BMERB1: variants seen among roughly 807,000 people sequenced by gnomAD.
The protein encoded by BMERB1 is bMERB domain containing 1.
Under a neutral mutation model 23.6 loss-of-function variants are expected in BMERB1, and 12 were observed. That is an observed-to-expected ratio of 0.51 (90% confidence interval 0.33 to 0.82). The LOEUF (loss-of-function observed/expected upper bound fraction) is 0.82, where lower values mean the gene tolerates loss of function less well. Ranked by LOEUF, BMERB1 falls within the 40% of genes least tolerant of loss-of-function variation. BMERB1 has a pLI of 0.03. For synonymous variants in BMERB1, 122 were observed against 96.6 expected (o/e 1.26, Z -1.54); for missense variants, 247 against 255.4 (o/e 0.97, Z 0.22).
intron 1 of BMERB1, among the ~76,000 whole-genome samples, chr16:15,450,182 T>C (rs188340324): frequency 7.9e-5 from 12 of 152,318 alleles, no homozygotes; most frequent in African/African-American, 2.6e-4. Flanking sequence ...GACAGGCACC[T>C]AAGTGAATGG....
Position 15,587,101 on chromosome 16 carries a change from CTCCCTCAAAA to C in BMERB1, c.*273_*282del. On this transcript the variant is annotated 3_prime_UTR_variant, in exon 6 of 6. Transcript: ENST00000300006. Reference sequence around the variant, plus strand: ...GTTTATCCAAACACCAGGAAAGGTCCTCCCTCAAAAAAGCATATCTCCACTTCTCTCTAGC... The same window carrying C: ...GTTTATCCAAACACCAGGAAAGGTCCAAGCATATCTCCACTTCTCTCTAGC... The C allele has an allele frequency of 2.2e-6, 1 of 453,620 alleles. No individual in the cohort carries two copies. The highest frequency in any genetic ancestry group is 3.9e-6 in the Non-Finnish European group (1 of 255,136). The allele number at this position is 453,620 out of a possible 1,614,324, so 28.1% of individuals were successfully genotyped here.
chr16:15,528,911 C>G (rs901148483), intron 2 of BMERB1, among the ~76,000 whole-genome samples: 1 of 152,166 alleles, frequency 6.6e-6, no homozygotes, highest in Non-Finnish European at 1.5e-5. Context: ...TGTGTGAGGA[C>G]ACAGTGAGAA....
rs539781631 is a variant in BMERB1, at chr16:15,452,029, C to T, written c.106+17270C>T. Among the ~76,000 whole-genome samples the T allele has an allele frequency of 3.5e-4, 53 of 152,100 alleles. 1 individual carries two copies. Among genetic ancestry groups the T allele is most frequent in the Non-Finnish European group, 1.0e-4 (7 of 67,988 alleles). On this transcript the variant is annotated intron_variant, in intron 1 of 5. Transcript: ENST00000300006. ...GGCACAGTGGCTTACGCCTGAAATC[C>T]TAGCACTTTGGGAGGCTGAGGCGGG... is the stretch of plus-strand genomic sequence containing the variant.
intron 1 of BMERB1, among the ~76,000 whole-genome samples, chr16:15,488,902 CAAAAAAA>C (rs769821665): frequency 9.0e-4 from 52 of 57,762 alleles, no homozygotes; most frequent in Middle Eastern, 0.011. Context: ...ACTGCATATG[CAAAAAAA>C]AAAAAAAAAA....
intron 2 of BMERB1, among the ~76,000 whole-genome samples, chr16:15,543,031 C>T (rs2052100996): frequency 1.3e-5 from 2 of 152,116 alleles, no homozygotes. Context: ...GGGTTCTTGT[C>T]TGGTGTCCAG....
intron 2 of BMERB1, among the ~76,000 whole-genome samples, chr16:15,567,387 C>T (rs1011637328): frequency 3.9e-5 from 6 of 151,954 alleles, no homozygotes; most frequent in Non-Finnish European, 7.4e-5. Flanking sequence ...CCATATGAAC[C>T]CACTTATATA....
chr16:15,538,854 G>GC (rs2052052536), intron 2 of BMERB1, among the ~76,000 whole-genome samples: 2 of 152,110 alleles, frequency 1.3e-5, no homozygotes, highest in African/African-American at 4.8e-5. Context: ...TGGTGAAGGG[G>GC]CCCATGTTGT....
chr16:15,447,605 T>C (rs945819639), intron 1 of BMERB1, among the ~76,000 whole-genome samples: 2 of 152,094 alleles, frequency 1.3e-5, no homozygotes, highest in Non-Finnish European at 2.9e-5. Context: ...GTGGCGATCA[T>C]GTTAATAGAA....
chr16:15,483,552 G>A (rs927330183), intron 1 of BMERB1, among the ~76,000 whole-genome samples: 13 of 152,116 alleles, frequency 8.5e-5, no homozygotes, highest in African/African-American at 2.7e-4. Context: ...GCCAATTTTT[G>A]TAGTTTTATT....
chr16:15,558,022 C>T (rs186013861), intron 2 of BMERB1, among the ~76,000 whole-genome samples: 1 of 151,832 alleles, frequency 6.6e-6, no homozygotes, highest in African/African-American at 2.4e-5. Context: ...CCAGCCTGGG[C>T]AACAGAGCTA....
At chr16:15,495,532 A>AT (rs1352918653) in intron 1 of BMERB1, among the ~76,000 whole-genome samples, 1 of 151,996 alleles carries the variant, frequency 6.6e-6, no homozygotes, top group East Asian at 1.9e-4. Flanking sequence ...CGCCTGGCTA[A>AT]TTTTTTGTAT....
At chr16:15,458,182 C>A (rs749838634) in intron 1 of BMERB1, among the ~76,000 whole-genome samples, 4 of 152,186 alleles carry the variant, frequency 2.6e-5, no homozygotes, top group Non-Finnish European at 5.9e-5. Context: ...ACTGATGCCT[C>A]TTCTCTTGGC....
At chr16:15,473,650 C>T (rs926981876) in intron 1 of BMERB1, among the ~76,000 whole-genome samples, 4 of 152,068 alleles carry the variant, frequency 2.6e-5, no homozygotes, top group South Asian at 4.1e-4. Flanking sequence ...AGTGTTTTCT[C>T]GCCTGAGAAT....
At chr16:15,556,470 G>A (rs2030261849) in intron 2 of BMERB1, among the ~76,000 whole-genome samples, 1 of 152,192 alleles carries the variant, frequency 6.6e-6, no homozygotes, top group Non-Finnish European at 1.5e-5. Flanking sequence ...AGTCAATGGG[G>A]GTACTGAGAT....
At chr16:15,496,785 G>A (rs999080004) in intron 1 of BMERB1, among the ~76,000 whole-genome samples, 23 of 152,166 alleles carry the variant, frequency 1.5e-4, no homozygotes, top group Non-Finnish European at 2.5e-4. Flanking sequence ...TGATCTGCCC[G>A]CCTCGGCCTC....
At position 15,575,003 on chromosome 16, in the gene BMERB1, C is replaced by T. The variant is rs143028348; in HGVS notation, c.305-6214C>T. 5.4e-3 allele frequency among the ~76,000 whole-genome samples: 827 copies of T among 152,202 alleles called. 6 individuals are homozygous for T. The highest frequency in any genetic ancestry group is 0.017 in the African/African-American group (721 of 41,530). ...CTGAGGCAGGAGAATTGCTTGAACT[C>T]GGGAGAGGGGGGTTGCAGTGAGCCA... On this transcript the variant is annotated intron_variant, in intron 3 of 5. Transcript: ENST00000300006.
intron 2 of BMERB1, among the ~76,000 whole-genome samples, chr16:15,546,871 A>C (rs2029933598): frequency 6.6e-6 from 1 of 152,094 alleles, no homozygotes; most frequent in African/African-American, 2.4e-5. Flanking sequence ...CCCCCAATAA[A>C]ACTTGTTTAA....
At chr16:15,515,130 A>G (rs1444766775) in intron 1 of BMERB1, among the ~76,000 whole-genome samples, 175 bp from the exon 2 acceptor site, 4 of 152,096 alleles carry the variant, frequency 2.6e-5, no homozygotes, top group East Asian at 1.9e-4. Context: ...TGGAAAACAC[A>G]TTTTCTGGTT....
chr16:15,526,902 ATAAT>A lies in BMERB1; in HGVS notation c.230+11476_230+11479del, dbSNP rs2051912162. On this transcript the variant is annotated intron_variant, in intron 2 of 5. Coordinates refer to ENST00000300006, the MANE Select transcript of BMERB1 (RefSeq NM_033201.3). The stretch of plus-strand genomic sequence containing the variant: ...ATTATTCCATAAAAATAATATAATA[ATAAT>A]TCTATGAAGTATGAAATAATAGTAA... 3.4e-5 allele frequency among the ~76,000 whole-genome samples: 5 copies of A among 148,938 alleles called. No individual in the cohort carries two copies. In the South Asian group the frequency reaches 1.0e-3, roughly 31 times the overall value.
Sources: allele counts gnomAD v4.1 joint callset (sites outside exome capture counted in the v4.1 genomes callset), GRCh38; gene constraint gnomAD v4.1.1; transcripts MANE v1.5; gene names NCBI Gene and HGNC (gene_info 2026-07-23, HGNC 2026-07-21).